The following C1D variants were observed in gnomAD, a reference collection of about 807,000 sequenced individuals.
The protein encoded by C1D is C1D nuclear receptor corepressor, also known as nuclear nucleic acid-binding protein C1D.
A neutral mutation model predicts 17.5 loss-of-function variants in C1D; 10 were observed. The observed-to-expected ratio is 0.57, with a 90% confidence interval of 0.35 to 0.97. The LOEUF is 0.97. C1D is among the 50% of genes least tolerant of loss of function. The pLI is 0.01. For missense variants in C1D, 136 were observed against 160.1 expected (o/e 0.85, Z 0.81); for synonymous variants, 49 against 54.0 (o/e 0.91, Z 0.40).
chr2:68,053,027 CAT>C (rs1479257201), intron 1 of C1D: 1 of 1,547,182 alleles, frequency 6.5e-7, no homozygotes, highest in Admixed American at 2.0e-5. Flanking sequence ...TAAAGTTGTA[CAT>C]GTTAAAATTT....
At chr2:68,047,720 A>G (rs1442074855) in intron 1 of C1D, among the ~76,000 whole-genome samples, 1 of 152,156 alleles carries the variant, frequency 6.6e-6, no homozygotes, top group African/African-American at 2.4e-5. Flanking sequence ...CATTGCCACC[A>G]TGCCCAGGTA....
At chr2:68,058,505 G>A (rs756505373) in intron 1 of C1D, among the ~76,000 whole-genome samples, 8 of 152,148 alleles carry the variant, frequency 5.3e-5, no homozygotes, top group African/African-American at 9.7e-5. Context: ...ACAACTCTAC[G>A]ACTGGGCACT....
chr2:68,045,070 C>G (rs1007009078), intron 4 of C1D, among the ~76,000 whole-genome samples: 1 of 151,788 alleles, frequency 6.6e-6, no homozygotes, highest in Non-Finnish European at 1.5e-5. Flanking sequence ...AATTTATTTT[C>G]CCCCCCAAGA....
intron 4 of C1D, among the ~76,000 whole-genome samples, chr2:68,043,873 G>C (rs1671041627): frequency 6.6e-6 from 1 of 152,184 alleles, no homozygotes; most frequent in Non-Finnish European, 1.5e-5. Context: ...ACACTCTCTA[G>C]TGACGTCCCA....
intron 2 of C1D, among the ~76,000 whole-genome samples, chr2:68,046,765 T>G (rs1039267874): frequency 2.6e-5 from 4 of 152,156 alleles, no homozygotes; most frequent in African/African-American, 9.6e-5. Flanking sequence ...CATGATGCAT[T>G]TATGTATAAG....
intron 4 of C1D, 51 bp from the exon 5 acceptor site, chr2:68,043,104 C>G (rs746307121): frequency 7.2e-7 from 1 of 1,383,134 alleles, no homozygotes; most frequent in African/African-American, 1.4e-5. Flanking sequence ...TTCGCCACCA[C>G]TGAATTTTAT....
At chr2:68,057,840 T>C (rs374709433) in intron 1 of C1D, among the ~76,000 whole-genome samples, 12 of 152,302 alleles carry the variant, frequency 7.9e-5, no homozygotes, top group East Asian at 7.7e-4. Context: ...TACACCTAAA[T>C]TGTCTAGCCA....
chr2:68,042,723 A>C lies in C1D; in HGVS notation c.*166T>G, dbSNP rs1670994402. On this transcript the variant is annotated 3_prime_UTR_variant, in exon 5 of 5. Transcript: ENST00000410067. ...AAATCCTCAGTGCTAATCAATAAAGATAATGATCTTTGGAGAGGAAAGTAT... is the reference window on the plus strand; with the variant it reads ...AAATCCTCAGTGCTAATCAATAAAGCTAATGATCTTTGGAGAGGAAAGTAT... 7 of 493,400 alleles carry C rather than the reference A, an allele frequency of 1.4e-5. No individual in the cohort carries two copies. The highest frequency in any genetic ancestry group is 6.9e-5 in the Admixed American group (2 of 29,062). 30.6% of individuals were successfully genotyped at this position (493,400 alleles called of 1,614,324 possible).
At chr2:68,044,157 C>A (rs1483217694) in intron 4 of C1D, among the ~76,000 whole-genome samples, 2 of 152,188 alleles carry the variant, frequency 1.3e-5, no homozygotes, top group South Asian at 2.1e-4. Context: ...CCATAACTTT[C>A]CAACATACTA....
At chr2:68,049,498 T>C (rs1671223698) in intron 1 of C1D, among the ~76,000 whole-genome samples, 2 of 152,170 alleles carry the variant, frequency 1.3e-5, no homozygotes, top group Admixed American at 1.3e-4. Context: ...CTTGGGAAGA[T>C]ATCAACTACC....
intron 2 of C1D, 70 bp from the exon 3 acceptor site, chr2:68,046,480 C>T: frequency 9.4e-7 from 1 of 1,065,958 alleles, no homozygotes; most frequent in South Asian, 1.3e-5. Context: ...ACTTTGAACA[C>T]CATCTGATAA....
At chr2:68,056,078 T>C (rs1418795405) in intron 1 of C1D, among the ~76,000 whole-genome samples, 1 of 152,166 alleles carries the variant, frequency 6.6e-6, no homozygotes, top group Non-Finnish European at 1.5e-5. Context: ...TACTAACATT[T>C]CCAACAAAAG....
At chr2:68,061,867 C>G (rs1038062695) in intron 1 of C1D, among the ~76,000 whole-genome samples, 2 of 152,210 alleles carry the variant, frequency 1.3e-5, no homozygotes, top group South Asian at 2.1e-4. Flanking sequence ...ACACAGCTAA[C>G]TGAAGGCAGC....
rs1157634883 is a variant in C1D, at chr2:68,047,649, CCTG to C, written c.-9-333_-9-331del. 3.3e-5 allele frequency among the ~76,000 whole-genome samples: 5 copies of C among 152,162 alleles called. No homozygotes were observed. In the East Asian group the frequency reaches 9.6e-4, roughly 29 times the overall value. ...CAATCACCACTCACTGCAACTTCCGCCTGCTGGGCCCAAGCGATCCTCCCACCT... is the reference window on the plus strand; with the variant it reads ...CAATCACCACTCACTGCAACTTCCGCCTGGGCCCAAGCGATCCTCCCACCT... On this transcript the variant is annotated intron_variant, in intron 1 of 4. Coordinates refer to ENST00000410067, the MANE Select transcript of C1D (RefSeq NM_173177.3).
At chr2:68,053,205 T>C in intron 1 of C1D, 5 of 1,549,274 alleles carry the variant, frequency 3.2e-6, no homozygotes, top group Non-Finnish European at 4.4e-6. Flanking sequence ...CAGTAAGGTG[T>C]GGCTGAGACT....
chr2:68,046,574 T>G (rs1487224047), intron 2 of C1D, 164 bp from the exon 3 acceptor site: 11 of 534,504 alleles, frequency 2.1e-5, no homozygotes, highest in Non-Finnish European at 3.7e-5. Context: ...TGAAAATAAT[T>G]TGTAAAAAGA....
At position 68,042,935 on chromosome 2, in the gene C1D, G is replaced by A. The variant is rs752414784; in HGVS notation, c.380C>T (p.Ser127Leu). The A allele has an allele frequency of 2.1e-5, 33 of 1,561,572 alleles. No individual in the cohort carries two copies. Among genetic ancestry groups the A allele is most frequent in the South Asian group, 4.6e-5 (4 of 87,248 alleles). ...FVKNALWEPK[S>L]KNASKVANKG... ...ATTGGCAACTTTTGATGCATTTTTC[G>A]ATTTTGGTTCCCAGAGGGCATTTTT... Residue 127 changes from serine (S) to leucine (L), a missense_variant, in exon 5 of 5, where the codon TCG becomes TTG. By Grantham distance (145) the Ser-to-Leu change is moderately radical (BLOSUM62 -2). Transcript: ENST00000410067.
chr2:68,048,585 T>C (rs1671198732), intron 1 of C1D, among the ~76,000 whole-genome samples: 1 of 152,214 alleles, frequency 6.6e-6, no homozygotes, highest in Non-Finnish European at 1.5e-5. Flanking sequence ...ACATTTTTTC[T>C]GAATGAGTAT....
chr2:68,057,884 A>C (rs1251109566), intron 1 of C1D, among the ~76,000 whole-genome samples: 1 of 152,234 alleles, frequency 6.6e-6, no homozygotes, highest in Non-Finnish European at 1.5e-5. Flanking sequence ...CTCATGGTAC[A>C]AAAGCCTCCT....
Sources: allele counts gnomAD v4.1 joint callset (sites outside exome capture counted in the v4.1 genomes callset), GRCh38; gene constraint gnomAD v4.1.1; transcripts MANE v1.5; gene names NCBI Gene and HGNC (gene_info 2026-07-23, HGNC 2026-07-21).